The following NCAM1 variants were observed in gnomAD, a reference collection of about 807,000 sequenced individuals.
NCAM1 encodes antigen recognized by monoclonal antibody 5.1H11.
Under a neutral mutation model 109.8 loss-of-function variants are expected in NCAM1, and 14 were observed. The observed-to-expected ratio is 0.13, with a 90% CI of 0.08 to 0.20. The LOEUF is 0.20. Among genes scored for constraint, NCAM1 ranks in the 10% least tolerant of loss-of-function variants. NCAM1 has a pLI of 1.00. For synonymous variants in NCAM1, 418 were observed against 442.9 expected (o/e 0.94, Z 0.70); for missense variants, 774 against 1,109.9 (o/e 0.70, Z 4.30).
chr11:113,219,691 A>G (rs567742204), intron 8 of NCAM1, among the ~76,000 whole-genome samples: 2 of 152,372 alleles, frequency 1.3e-5, no homozygotes, highest in East Asian at 3.9e-4. Flanking sequence ...TCTAAAAGCC[A>G]CAGAACCATA....
intron 1 of NCAM1, among the ~76,000 whole-genome samples, chr11:113,141,737 C>A (rs931757742): frequency 1.3e-5 from 2 of 152,034 alleles, no homozygotes; most frequent in Non-Finnish European, 2.9e-5. Flanking sequence ...CTTCCCACAA[C>A]GTAGTGAGCC....
rs1942220041 is a variant in NCAM1 at position 113,151,427 on chromosome 11, A to G, written c.53-50952A>G. ...CTGAAAGCATTGCCTGTAAGTGAAA[A>G]TATACTCACTCCTGGGGAGGCTGAA... On this transcript the variant is annotated intron_variant, in intron 1 of 19. Transcript: ENST00000316851. Among the ~76,000 whole-genome samples, 3 of 152,178 alleles carry G rather than the reference A, an allele frequency of 2.0e-5. No individual in the cohort carries two copies. The South Asian group carries it at 6.2e-4, about 32-fold the overall frequency.
chr11:113,041,096 A>G (rs542021176), intron 1 of NCAM1: 1 of 152,352 alleles, frequency 6.6e-6, no homozygotes, highest in Admixed American at 6.5e-5. Context: ...GGTACAGAGT[A>G]TAAGTGGAGA....
chr11:112,974,653 T>C (rs1055994726), intron 1 of NCAM1, among the ~76,000 whole-genome samples: 1 of 152,006 alleles, frequency 6.6e-6, no homozygotes, highest in African/African-American at 2.4e-5. Flanking sequence ...ATTCTCCTAT[T>C]TTCAGTAGGG....
At chr11:113,042,768 C>A (rs1237631070) in intron 1 of NCAM1, among the ~76,000 whole-genome samples, 1 of 152,186 alleles carries the variant, frequency 6.6e-6, no homozygotes, top group African/African-American at 2.4e-5. Context: ...CCATTCCCTT[C>A]TCCATAACCA....
chr11:113,043,352 T>A (rs1156234960), intron 1 of NCAM1, among the ~76,000 whole-genome samples: 6 of 152,168 alleles, frequency 3.9e-5, no homozygotes, highest in Non-Finnish European at 7.4e-5. Flanking sequence ...TTATTTATTT[T>A]TTGAGACAGA....
chr11:113,166,447 G>A (rs1555105293), intron 1 of NCAM1, among the ~76,000 whole-genome samples: 2 of 152,186 alleles, frequency 1.3e-5, no homozygotes, highest in African/African-American at 4.8e-5. Flanking sequence ...TGGAATAGCT[G>A]TTTGACCTTG....
Position 113,207,363 on chromosome 11 carries a change from C to T in NCAM1, c.731C>T (p.Thr244Ile), listed in dbSNP as rs782591967. ...VCDAEGFPEP[T>I]MSWTKDGEQI... Reference sequence around the variant, plus strand: ...GATGCCGAAGGCTTCCCAGAGCCCACCATGAGCTGGACAAAGTAAGAAACT... The same window carrying T: ...GATGCCGAAGGCTTCCCAGAGCCCATCATGAGCTGGACAAAGTAAGAAACT... The change falls in exon 6 of 20, where the codon ACC becomes ATC. Residue 244 changes from threonine to isoleucine, a missense_variant. Around this residue, in one of 4 missense-constraint regions of NCAM1, gnomAD observed 523 missense variants for 784.2 expected, o/e 0.67. Coordinates refer to ENST00000316851, the MANE Select transcript of NCAM1 (RefSeq NM_181351.5). 3 of 1,613,794 alleles carry T rather than the reference C, an allele frequency of 1.9e-6. No individual in the cohort carries two copies. The highest frequency in any genetic ancestry group is 1.7e-6 in the Non-Finnish European group (2 of 1,179,694).
intron 1 of NCAM1, among the ~76,000 whole-genome samples, chr11:113,136,103 A>G (rs1941586938): frequency 6.6e-6 from 1 of 152,174 alleles, no homozygotes; most frequent in South Asian, 2.1e-4. Context: ...GGTTCGCCTG[A>G]GCCCAGGAGT....
At chr11:113,121,180 T>TGCCATATTTTG (rs1940938394) in intron 1 of NCAM1, among the ~76,000 whole-genome samples, 1 of 151,138 alleles carries the variant, frequency 6.6e-6, no homozygotes, top group Non-Finnish European at 1.5e-5. Context: ...CATGTTAAAG[T>TGCCATATTTTG]GCCATATTTT....
At chr11:113,022,282 G>T (rs1952410290) in intron 1 of NCAM1, among the ~76,000 whole-genome samples, 1 of 152,190 alleles carries the variant, frequency 6.6e-6, no homozygotes, top group African/African-American at 2.4e-5. Context: ...TGTTTTGCTT[G>T]TTTATGACTC....
At chr11:113,206,222 C>A (rs999640159) in intron 5 of NCAM1, 42 bp downstream of exon 5, 3 of 1,543,002 alleles carry the variant, frequency 1.9e-6, no homozygotes, top group Non-Finnish European at 2.6e-6. Flanking sequence ...ATTGCTACAA[C>A]CTTGGTTCTC....
In NCAM1 at chr11:113,248,916, T is replaced by A. The variant is rs200315472; in HGVS notation, c.1828+2546T>A. The stretch of plus-strand genomic sequence containing the variant: ...GAGGATGCAAACTTTGATTCTAAGG[T>A]CATGGCATCATGTCACTGCAGGGCT... On this transcript the variant is annotated intron_variant, in intron 15 of 19. Transcript: ENST00000316851. 1.2e-4 allele frequency among the ~76,000 whole-genome samples: 18 copies of A among 152,256 alleles called. No individual in the cohort carries two copies. The East Asian group carries it at 3.1e-3, about 26-fold the overall frequency.
chr11:113,013,148 G>A (rs558430765), intron 1 of NCAM1, among the ~76,000 whole-genome samples: 11 of 152,048 alleles, frequency 7.2e-5, no homozygotes, highest in African/African-American at 2.4e-4. Flanking sequence ...AAAAGAAGGC[G>A]GGGTGCAGAG....
intron 1 of NCAM1, among the ~76,000 whole-genome samples, chr11:113,119,875 G>C (rs1555095690): frequency 2.6e-5 from 4 of 152,190 alleles, no homozygotes; most frequent in African/African-American, 7.2e-5. Context: ...CCAGCACCCT[G>C]TCTGGGGTTA....
At chr11:113,002,924 A>G (rs1483846552) in intron 1 of NCAM1, among the ~76,000 whole-genome samples, 1 of 152,270 alleles carries the variant, frequency 6.6e-6, no homozygotes, top group Admixed American at 6.5e-5. Context: ...AAGCAAAAAT[A>G]GTTCCCACTG....
chr11:113,081,330 C>T (rs757443680), intron 1 of NCAM1, among the ~76,000 whole-genome samples: 23 of 152,112 alleles, frequency 1.5e-4, no homozygotes, highest in Non-Finnish European at 1.5e-5. Context: ...TCCCAGTTTC[C>T]GAGAAGTATG....
intron 1 of NCAM1, chr11:113,041,188 A>T (rs1420294843): frequency 2.0e-5 from 3 of 152,226 alleles, no homozygotes; most frequent in Non-Finnish European, 4.4e-5. Context: ...AAAAAAATAG[A>T]TATGTGCAGG....
intron 1 of NCAM1, among the ~76,000 whole-genome samples, chr11:113,082,998 C>T (rs1304405184): frequency 6.6e-6 from 1 of 151,518 alleles, no homozygotes; most frequent in Admixed American, 6.6e-5. Flanking sequence ...AAAGAGGCAG[C>T]CATATCTTTG....
Sources: gnomAD v4.1 joint callset for allele counts (sites outside exome capture counted in the v4.1 genomes callset) on GRCh38, gnomAD v4.1.1 for gene constraint, gnomAD v4.1.1 regional missense constraint, MANE v1.5 for transcripts, NCBI Gene and HGNC (gene_info 2026-07-23, HGNC 2026-07-21) for gene names.